STXBP5: variants seen among roughly 807,000 people sequenced by gnomAD.
STXBP5 encodes syntaxin-binding protein 5.
In STXBP5, 50 loss-of-function variants were observed where a neutral mutation model predicts 152.4. That is an observed-to-expected ratio of 0.33 (90% CI 0.26 to 0.42). The LOEUF (loss-of-function observed/expected upper bound fraction) is 0.42. Among genes scored for constraint, STXBP5 ranks in the 10% least tolerant of loss-of-function variants. The pLI, the probability that STXBP5 is intolerant of heterozygous loss-of-function variation, is 1.00. For missense variants in STXBP5, 1,167 were observed against 1,388.6 expected, an observed-to-expected ratio of 0.84 and a Z score of 2.54; for synonymous variants, 492 against 494.7, an observed-to-expected ratio of 0.99 and a Z score of 0.07.
At chr6:147,306,617 T>C (rs2128366888) in intron 9 of STXBP5, among the ~76,000 whole-genome samples, 1 of 152,340 alleles carries the variant, frequency 6.6e-6, no homozygotes, top group Admixed American at 6.5e-5. Context: ...CCCATTATCA[T>C]GTCCTGGCTT....
intron 22 of STXBP5, among the ~76,000 whole-genome samples, chr6:147,354,283 TAGAA>T (rs1253783638): frequency 1.3e-5 from 2 of 152,176 alleles, no homozygotes; most frequent in African/African-American, 4.8e-5. Context: ...GTTATGCTGA[TAGAA>T]AGCATGTGGT....
rs6927420 is a variant in STXBP5, at chr6:147,322,275, G to A, written c.1803-2684G>A. On this transcript the variant is annotated intron_variant, in intron 16 of 27. Coordinates refer to ENST00000321680, the MANE Select transcript of STXBP5 (RefSeq NM_001127715.4). ...GAAATGCCTCAGTTGTTACTCTGTC[G>A]CTTGAGATGGAGAGCTGTAGCTGAT... is the stretch of plus-strand genomic sequence containing the variant. 8.6e-3 allele frequency among the ~76,000 whole-genome samples: 1,309 copies of A among 152,280 alleles called. 18 individuals are homozygous for A. The highest frequency in any genetic ancestry group is 0.03 in the East Asian group (156 of 5,182).
intron 16 of STXBP5, among the ~76,000 whole-genome samples, chr6:147,319,828 CTTTTTTTTTTTTTTT>C (rs55948948): frequency 7.0e-5 from 5 of 71,612 alleles, no homozygotes; most frequent in South Asian, 6.3e-4. Context: ...TATCTGGATT[CTTTTTTTTTTTTTTT>C]TTTTTTTTTT....
chr6:147,370,724 A>T (rs1321707438), intron 25 of STXBP5, among the ~76,000 whole-genome samples: 1 of 151,996 alleles, frequency 6.6e-6, no homozygotes, highest in African/African-American at 2.4e-5. Context: ...TATAAACAAA[A>T]CCCCAAGTAA....
At chr6:147,342,465 A>G (rs752177767) in intron 21 of STXBP5, among the ~76,000 whole-genome samples, 2 of 152,184 alleles carry the variant, frequency 1.3e-5, no homozygotes, top group Non-Finnish European at 2.9e-5. Context: ...TTGACAGCAA[A>G]AACATAACAG....
At chr6:147,323,303 T>C (rs1184279799) in intron 16 of STXBP5, among the ~76,000 whole-genome samples, 1 of 152,224 alleles carries the variant, frequency 6.6e-6, no homozygotes, top group South Asian at 2.1e-4. Context: ...AACTTCCCAA[T>C]TGGTGACCCT....
At chr6:147,381,590 A>G (rs1203892596) in intron 26 of STXBP5, among the ~76,000 whole-genome samples, 1 of 152,204 alleles carries the variant, frequency 6.6e-6, no homozygotes, top group African/African-American at 2.4e-5. Flanking sequence ...AAATGTTCAT[A>G]GTAGCTTTAT....
At chr6:147,250,256 G>A (rs1439928211) in intron 4 of STXBP5, among the ~76,000 whole-genome samples, 4 of 152,000 alleles carry the variant, frequency 2.6e-5, no homozygotes, top group South Asian at 2.1e-4. Context: ...TTGCCACAAC[G>A]AATTTCAAGA....
In STXBP5 at chr6:147,388,235, A is replaced by G. The variant is rs1786431515; in HGVS notation, c.*3480A>G. The stretch of plus-strand genomic sequence containing the variant: ...ATACATGTGTATAAAACATACCAAA[A>G]TCATGAATATGCTGCTAGCTGTACC... On this transcript the variant is annotated 3_prime_UTR_variant, in exon 28 of 28. Transcript: ENST00000321680. 1 of 151,780 alleles carries G rather than the reference A, an allele frequency of 6.6e-6. No homozygotes were observed. Among genetic ancestry groups the G allele is most frequent in the African/African-American group, 2.4e-5 (1 of 41,438 alleles). The allele number at this position is 151,780 out of a possible 1,614,324, so 9.4% of individuals were successfully genotyped here.
intron 21 of STXBP5, among the ~76,000 whole-genome samples, chr6:147,348,137 A>G (rs888420060): frequency 6.6e-6 from 1 of 152,216 alleles, no homozygotes; most frequent in Non-Finnish European, 1.5e-5. Flanking sequence ...AAATCAAAGA[A>G]AAACATGGAC....
intron 4 of STXBP5, 121 bp from the exon 5 acceptor site, chr6:147,260,494 T>A: frequency 1.8e-6 from 2 of 1,081,164 alleles, no homozygotes; most frequent in South Asian, 1.4e-5. Context: ...AATAGATAAA[T>A]CTGATGATTA....
At position 147,324,264 on chromosome 6, in the gene STXBP5, G is replaced by GTTTTTTTTTTTTTT. The variant is rs1179573055; in HGVS notation, c.1803-683_1803-670dup. On this transcript the variant is annotated intron_variant, in intron 16 of 27. Transcript: ENST00000321680. ...TTAAGTTTTGTGGGGTTTTTTTTTG[G>GTTTTTTTTTTTTTT]TTTTTTTTTTTTTTTTTTTTTTTTT... Among the ~76,000 whole-genome samples the GTTTTTTTTTTTTTT allele has an allele frequency of 4.3e-4, 25 of 57,944 alleles. 1 individual carries two copies. The highest frequency in any genetic ancestry group is 7.9e-4 in the South Asian group (1 of 1,270). 38.0% of individuals were successfully genotyped at this position (57,944 alleles called of 152,430 possible). A position where few individuals can be genotyped will look rare whatever the true frequency, so the allele number is the denominator to read the frequency against.
chr6:147,325,993 T>C (rs9497747), intron 17 of STXBP5, among the ~76,000 whole-genome samples: 10,442 of 152,212 alleles, frequency 0.069, 475 homozygotes, highest in African/African-American at 0.12. Context: ...TGATTTAAAG[T>C]ATATGGGAGA....
chr6:147,294,156 A>C (rs1023816706), intron 9 of STXBP5, among the ~76,000 whole-genome samples: 1 of 152,158 alleles, frequency 6.6e-6, no homozygotes, highest in South Asian at 2.1e-4. Flanking sequence ...TGTTAAGTCA[A>C]TTCCATTGAA....
At chr6:147,254,416 T>C (rs1306685862) in intron 4 of STXBP5, among the ~76,000 whole-genome samples, 3 of 152,152 alleles carry the variant, frequency 2.0e-5, no homozygotes, top group Non-Finnish European at 4.4e-5. Flanking sequence ...CCAAAAGCAA[T>C]GGCAACAAAA....
rs150183495 is a variant in STXBP5, at chr6:147,338,713, A to G, written c.2147-466A>G. The stretch of plus-strand genomic sequence containing the variant: ...CTTATTGTACATTTTAAAGATTTCT[A>G]TGATATGTAGTAGAATGAATATATA... On this transcript the variant is annotated intron_variant, in intron 19 of 27. Coordinates refer to ENST00000321680, the MANE Select transcript of STXBP5 (RefSeq NM_001127715.4). Among the ~76,000 whole-genome samples, 276 of 152,068 alleles carry G rather than the reference A, an allele frequency of 1.8e-3. 1 individual carries two copies. The highest frequency in any genetic ancestry group is 6.0e-3 in the African/African-American group (250 of 41,578).
At chr6:147,351,824 T>G in intron 21 of STXBP5, 1 of 984,516 alleles carries the variant, frequency 1.0e-6, no homozygotes, top group Non-Finnish European at 1.2e-6. Flanking sequence ...GGATTTGTCA[T>G]TTTTTTAGAT....
At chr6:147,320,352 C>T (rs1371984423) in intron 16 of STXBP5, among the ~76,000 whole-genome samples, 1 of 151,986 alleles carries the variant, frequency 6.6e-6, no homozygotes, top group Non-Finnish European at 1.5e-5. Flanking sequence ...AAAATGCATC[C>T]CCTGGGCAGA....
intron 8 of STXBP5, among the ~76,000 whole-genome samples, chr6:147,290,547 T>A (rs1781228405): frequency 2.6e-5 from 4 of 152,232 alleles, no homozygotes; most frequent in South Asian, 2.1e-4. Context: ...ATCAACATTT[T>A]AAAAAATAAT....
Sources: allele counts gnomAD v4.1 joint callset (sites outside exome capture counted in the v4.1 genomes callset), GRCh38; gene constraint gnomAD v4.1.1; transcripts MANE v1.5; gene names NCBI Gene and HGNC (gene_info 2026-07-23, HGNC 2026-07-21).